Variants in RABGAP1L observed in about 807,000 individuals in gnomAD.
RABGAP1L encodes the protein RAB GTPase activating protein 1 like.
RABGAP1L carries 63 observed loss-of-function variants against 137.7 expected under a neutral mutation model. That is an observed-to-expected ratio of 0.46 (90% CI 0.37 to 0.56). The LOEUF (loss-of-function observed/expected upper bound fraction) is 0.56. RABGAP1L is among the 20% of genes least tolerant of loss of function. The pLI is 0.00. For synonymous variants in RABGAP1L, 431 were observed against 433.7 expected (o/e 0.99, Z 0.08); for missense variants, 1,095 against 1,244.0 (o/e 0.88, Z 1.80).
At chr1:174,436,806 G>T (rs1233315429) in intron 13 of RABGAP1L, among the ~76,000 whole-genome samples, 2 of 152,104 alleles carry the variant, frequency 1.3e-5, no homozygotes, top group Non-Finnish European at 2.9e-5. Flanking sequence ...AGCCTAATTG[G>T]GAGGCAACCC....
chr1:174,330,001 A>T (rs1350993640), intron 11 of RABGAP1L, among the ~76,000 whole-genome samples: 1 of 152,140 alleles, frequency 6.6e-6, no homozygotes, highest in Non-Finnish European at 1.5e-5. Flanking sequence ...CAAGATGTGG[A>T]TGCTTACTTT....
intron 11 of RABGAP1L, among the ~76,000 whole-genome samples, chr1:174,332,455 A>G (rs1345360709): frequency 6.6e-6 from 1 of 152,006 alleles, no homozygotes; most frequent in East Asian, 1.9e-4. Context: ...GGAGTGCAGC[A>G]GCATGATCTT....
intron 19 of RABGAP1L, among the ~76,000 whole-genome samples, chr1:174,950,217 A>C (rs1363784707): frequency 5.3e-5 from 8 of 152,210 alleles, no homozygotes; most frequent in Admixed American, 5.2e-4. Flanking sequence ...TTAGAGTTGC[A>C]AGAGAGAAGT....
At chr1:174,518,315 C>G (rs1337591258) in intron 13 of RABGAP1L, among the ~76,000 whole-genome samples, 1 of 152,060 alleles carries the variant, frequency 6.6e-6, no homozygotes, top group Admixed American at 6.6e-5. Flanking sequence ...TCAGGACGCC[C>G]ACAGACGCCA....
chr1:174,757,097 C>T (rs779732534), intron 18 of RABGAP1L: 20 of 497,394 alleles, frequency 4.0e-5, no homozygotes, highest in Admixed American at 1.1e-4. Context: ...CACAAAGTCT[C>T]GGTGCTTTTG....
At chr1:174,414,697 T>G (rs1203036312) in intron 13 of RABGAP1L, among the ~76,000 whole-genome samples, 6 of 152,160 alleles carry the variant, frequency 3.9e-5, no homozygotes, top group African/African-American at 1.4e-4. Context: ...AAACTTTAAG[T>G]TATATACCAT....
rs74587307 is a variant in RABGAP1L, at chr1:174,942,554, G to A, written c.2341-14903G>A. ...CCACTTTACTAGCTGTGTGGCCTTG[G>A]GCAAGCTATTTAACCTTTCTGTGCC... On this transcript the variant is annotated intron_variant, in intron 19 of 25. Coordinates refer to ENST00000681986, the MANE Select transcript of RABGAP1L (RefSeq NM_001366446.1). 8.8e-3 allele frequency among the ~76,000 whole-genome samples: 1,343 copies of A among 152,286 alleles called. 21 individuals carry two copies. Among genetic ancestry groups the A allele is most frequent in the African/African-American group, 0.031 (1,286 of 41,552 alleles).
intron 14 of RABGAP1L, among the ~76,000 whole-genome samples, chr1:174,651,260 T>C (rs1675462442): frequency 1.3e-5 from 2 of 152,104 alleles, no homozygotes; most frequent in Non-Finnish European, 2.9e-5. Flanking sequence ...TCCAACTATG[T>C]GGTCAATTTT....
intron 19 of RABGAP1L, among the ~76,000 whole-genome samples, chr1:174,844,148 C>T (rs1490265844): frequency 5.5e-5 from 8 of 146,500 alleles, no homozygotes; most frequent in South Asian, 2.2e-4. Context: ...GAGTAGGTTG[C>T]GAAAATTTTC....
chr1:174,784,753 T>A (rs894086936), intron 18 of RABGAP1L, among the ~76,000 whole-genome samples: 2 of 152,144 alleles, frequency 1.3e-5, no homozygotes, highest in Non-Finnish European at 2.9e-5. Context: ...GTAAGGGTAG[T>A]GTGTGGAGAG....
Position 174,375,378 on chromosome 1 carries a change from G to A in RABGAP1L, c.1559+4306G>A, listed in dbSNP as rs1441334878. Among the ~76,000 whole-genome samples, 5 of 151,716 alleles carry A rather than the reference G, an allele frequency of 3.3e-5. No individual in the cohort carries two copies. The East Asian group carries it at 9.7e-4, about 29-fold the overall frequency. On this transcript the variant is annotated intron_variant, in intron 12 of 25. Coordinates refer to ENST00000681986, the MANE Select transcript of RABGAP1L (RefSeq NM_001366446.1). ...CAAGGAAATAAGAACAGAAATAAAT[G>A]GAATTGAGAAGAACACTTCAGAAAA...
intron 13 of RABGAP1L, among the ~76,000 whole-genome samples, chr1:174,611,454 T>C (rs984778259): frequency 1.3e-5 from 2 of 150,946 alleles, no homozygotes; most frequent in African/African-American, 4.9e-5. Flanking sequence ...TTTTGGTTAC[T>C]GTAGCCTTGT....
chr1:174,837,365 T>C (rs576516068), intron 19 of RABGAP1L, among the ~76,000 whole-genome samples: 25 of 152,360 alleles, frequency 1.6e-4, no homozygotes, highest in African/African-American at 5.8e-4. Flanking sequence ...TGATGTTTAT[T>C]GTGTAAGGAT....
chr1:174,362,349 A>G (rs980618330), intron 11 of RABGAP1L, among the ~76,000 whole-genome samples: 2 of 152,222 alleles, frequency 1.3e-5, no homozygotes, highest in Non-Finnish European at 2.9e-5. Flanking sequence ...TCTTTGAGGA[A>G]TCGCCACACT....
chr1:174,519,096 C>T (rs1663126172), intron 13 of RABGAP1L, among the ~76,000 whole-genome samples: 1 of 151,716 alleles, frequency 6.6e-6, no homozygotes, highest in African/African-American at 2.4e-5. Context: ...TATATACACA[C>T]ACACACACAC....
At position 174,637,366 on chromosome 1, in the gene RABGAP1L, C is replaced by A. The variant is rs538006534; in HGVS notation, c.1711-9C>A. The stretch of plus-strand genomic sequence containing the variant: ...TTTAATAACCAGGTCTATTTTCTTT[C>A]TTTTTTAGGACTCAGCCCAGGAGAG... On this transcript the variant is annotated splice_polypyrimidine_tract_variant and intron_variant, in intron 13 of 25. Coordinates refer to ENST00000681986, the MANE Select transcript of RABGAP1L (RefSeq NM_001366446.1). The A allele has an allele frequency of 1.3e-6, 2 of 1,578,614 alleles. No individual in the cohort carries two copies. The highest frequency in any genetic ancestry group is 2.7e-5 in the African/African-American group (2 of 73,736).
chr1:174,948,983 G>GA (rs1353091864), intron 19 of RABGAP1L: 4 of 152,084 alleles, frequency 2.6e-5, no homozygotes, highest in Non-Finnish European at 5.9e-5. Flanking sequence ...TTTAAAAGAT[G>GA]AAATAAAAAT....
intron 17 of RABGAP1L, among the ~76,000 whole-genome samples, chr1:174,721,967 C>T (rs1681573035): frequency 2.0e-5 from 3 of 152,154 alleles, no homozygotes; most frequent in Admixed American, 2.0e-4. Flanking sequence ...GAGTCTTGCT[C>T]TGTGTCCAGG....
At chr1:174,469,704 T>G (rs757807659) in intron 13 of RABGAP1L, among the ~76,000 whole-genome samples, 14 of 152,170 alleles carry the variant, frequency 9.2e-5, no homozygotes, top group Non-Finnish European at 1.8e-4. Flanking sequence ...ACACTGATTG[T>G]GTCAGTTTGA....
Sources: gnomAD v4.1 joint callset for allele counts (sites outside exome capture counted in the v4.1 genomes callset) on GRCh38, gnomAD v4.1.1 for gene constraint, MANE v1.5 for transcripts, NCBI Gene and HGNC (gene_info 2026-07-23, HGNC 2026-07-21) for gene names.